Variants in CD38 observed in about 807,000 individuals in gnomAD.
The protein encoded by CD38 is CD38 molecule.
A neutral mutation model predicts 36.3 loss-of-function variants in CD38; 31 were observed. That is an observed-to-expected ratio of 0.85 (90% CI 0.64 to 1.15). The LOEUF (loss-of-function observed/expected upper bound fraction) is 1.15, where lower values mean the gene tolerates loss of function less well. Ranked by LOEUF, CD38 falls within the 50% of genes most tolerant of loss-of-function variation. The pLI is 0.00. For missense variants in CD38, 380 were observed against 371.9 expected (o/e 1.02, Z -0.18); for synonymous variants, 131 against 135.2 (o/e 0.97, Z 0.22).
chr4:15,797,156 G>A (rs1460092160), intron 1 of CD38, among the ~76,000 whole-genome samples: 1 of 152,104 alleles, frequency 6.6e-6, no homozygotes. Context: ...ATAAGGGAAC[G>A]TTACCTCAGT....
At chr4:15,810,693 A>C (rs1469305981) in intron 1 of CD38, among the ~76,000 whole-genome samples, 2 of 152,226 alleles carry the variant, frequency 1.3e-5, no homozygotes, top group African/African-American at 4.8e-5. Context: ...TTCAAAGGCA[A>C]GTGTGGATGA....
chr4:15,810,183 TG>T (rs1723439794), intron 1 of CD38, among the ~76,000 whole-genome samples: 1 of 152,198 alleles, frequency 6.6e-6, no homozygotes, highest in Non-Finnish European at 1.5e-5. Flanking sequence ...TGGACTTTCT[TG>T]AATACTGAGG....
At chr4:15,785,257 G>A (rs149180997) in intron 1 of CD38, among the ~76,000 whole-genome samples, 1 of 152,168 alleles carries the variant, frequency 6.6e-6, no homozygotes, top group Non-Finnish European at 1.5e-5. Context: ...GGTGCTACCA[G>A]GGTATCAGGG....
intron 1 of CD38, among the ~76,000 whole-genome samples, chr4:15,792,458 GAAAAA>G (rs1249314137): frequency 3.9e-4 from 50 of 129,232 alleles, no homozygotes; most frequent in East Asian, 1.9e-3. Flanking sequence ...AATGAATCAA[GAAAAA>G]AAAAGAAAAG....
chr4:15,787,419 T>C (rs986718820), intron 1 of CD38, among the ~76,000 whole-genome samples: 6 of 152,236 alleles, frequency 3.9e-5, no homozygotes, highest in Non-Finnish European at 5.9e-5. Flanking sequence ...CCAGGGTCTC[T>C]TCCTCCACCT....
At chr4:15,801,814 A>G (rs1408594750) in intron 1 of CD38, among the ~76,000 whole-genome samples, 1 of 152,172 alleles carries the variant, frequency 6.6e-6, no homozygotes, top group Non-Finnish European at 1.5e-5. Flanking sequence ...TAAAGGCCAT[A>G]TATGACAAAT....
chr4:15,787,188 C>T (rs754980679), intron 1 of CD38, among the ~76,000 whole-genome samples: 20 of 152,362 alleles, frequency 1.3e-4, no homozygotes, highest in African/African-American at 3.1e-4. Context: ...TCCTCAAGCA[C>T]GGCCAGAGTG....
intron 2 of CD38, among the ~76,000 whole-genome samples, chr4:15,817,550 C>G (rs1723627561): frequency 6.6e-6 from 1 of 152,208 alleles, no homozygotes; most frequent in Non-Finnish European, 1.5e-5. Flanking sequence ...AATTTACTTG[C>G]ATTTATCTCA....
chr4:15,813,697 T>C (rs1560313380), intron 1 of CD38, among the ~76,000 whole-genome samples: 1 of 152,162 alleles, frequency 6.6e-6, no homozygotes, highest in African/African-American at 2.4e-5. Context: ...GAAGACGTGG[T>C]GTCTGGTTTT....
chr4:15,825,061 G>A (rs374563387), intron 3 of CD38, 45 bp downstream of exon 3: 1 of 1,557,172 alleles, frequency 6.4e-7, no homozygotes, highest in Non-Finnish European at 8.7e-7. Context: ...TGTGGAGGGT[G>A]AACAGAGTGA....
intron 1 of CD38, among the ~76,000 whole-genome samples, chr4:15,779,248 C>A (rs1321855072): frequency 6.6e-6 from 1 of 152,126 alleles, no homozygotes; most frequent in African/African-American, 2.4e-5. Flanking sequence ...TGCATGTGAC[C>A]AGAGAAGTAA....
chr4:15,847,876 G>A (rs988237737), intron 7 of CD38, among the ~76,000 whole-genome samples: 2 of 152,096 alleles, frequency 1.3e-5, no homozygotes, highest in Non-Finnish European at 2.9e-5. Context: ...TTCTCCATCT[G>A]GAAAGAAAAT....
In CD38 at chr4:15,838,121, T is replaced by A; in HGVS notation, c.615T>A (p.His205Gln). Residue 205 changes from histidine (H) to glutamine (Q), a missense_variant, in exon 5 of 8, where the codon CAT (histidine) becomes CAA (glutamine). Physicochemically the swap from His to Gln is conservative, Grantham distance 24. Coordinates refer to ENST00000226279, the MANE Select transcript of CD38 (RefSeq NM_001775.4). ...RFAEAACDVV[H>Q]VMLNGSRSKI... ...CAGAAGCTGCCTGTGATGTGGTCCA[T>A]GTGATGCTCAATGGATCCCGCAGTA... 6.2e-7 allele frequency: 1 copy of A among 1,613,990 alleles called. No individual in the cohort carries two copies. The highest frequency in any genetic ancestry group is 1.3e-5 in the African/African-American group (1 of 75,032).
chr4:15,841,540 A>G (rs1025217847), intron 7 of CD38, among the ~76,000 whole-genome samples: 16 of 151,572 alleles, frequency 1.1e-4, no homozygotes, highest in Admixed American at 7.2e-4. Flanking sequence ...TGTAAAAGCA[A>G]TCTTGCGGCG....
chr4:15,835,363 CTTTTTTTTTTTTTTTTT>C (rs35143834), intron 4 of CD38, among the ~76,000 whole-genome samples: 3 of 57,708 alleles, frequency 5.2e-5, no homozygotes, highest in African/African-American at 9.6e-5. Context: ...GACAGGAATA[CTTTTTTTTTTTTTTTTT>C]TTTTTTTTTT....
chr4:15,821,443 A>G (rs1389522193), intron 2 of CD38, among the ~76,000 whole-genome samples: 3 of 152,134 alleles, frequency 2.0e-5, no homozygotes, highest in African/African-American at 7.2e-5. Flanking sequence ...ATGGATCGCT[A>G]GCTAGACTAA....
At position 15,833,874 on chromosome 4, in the gene CD38, A is replaced by G. The variant is rs542274628; in HGVS notation, c.500-343A>G. Among the ~76,000 whole-genome samples, 5 of 152,290 alleles carry G rather than the reference A, an allele frequency of 3.3e-5. No individual in the cohort carries two copies. In the East Asian group the frequency reaches 9.7e-4, roughly 29 times the overall value. ...CAGGAAGCAGAAAAGCAGTTGGCAAAAGCAACCACTGAAGGACTGGTTTTA... is the reference window on the plus strand; with the variant it reads ...CAGGAAGCAGAAAAGCAGTTGGCAAGAGCAACCACTGAAGGACTGGTTTTA... On this transcript the variant is annotated intron_variant, in intron 3 of 7. Coordinates refer to ENST00000226279, the MANE Select transcript of CD38 (RefSeq NM_001775.4).
chr4:15,839,975 A>G (rs913157840), intron 5 of CD38, 51 bp from the exon 6 acceptor site: 2 of 1,261,282 alleles, frequency 1.6e-6, no homozygotes, highest in Non-Finnish European at 1.2e-6. Context: ...GGGGGTGTGG[A>G]TGCTTTCGTT....
intron 1 of CD38, among the ~76,000 whole-genome samples, chr4:15,785,074 G>A (rs766435553): frequency 2.0e-5 from 3 of 151,828 alleles, no homozygotes; most frequent in Non-Finnish European, 4.4e-5. Context: ...AAAATCTCAG[G>A]TGCACCTGAG....
Sources: gnomAD v4.1 joint callset for allele counts (sites outside exome capture counted in the v4.1 genomes callset) on GRCh38, gnomAD v4.1.1 for gene constraint, MANE v1.5 for transcripts, NCBI Gene and HGNC (gene_info 2026-07-23, HGNC 2026-07-21) for gene names.